DNAH5: variants seen among roughly 807,000 people sequenced by gnomAD.
DNAH5 encodes dynein axonemal heavy chain 5, also known as axonemal beta dynein heavy chain 5.
In DNAH5, 372 loss-of-function variants were observed where a neutral mutation model predicts 518.2. The ratio of observed to expected loss-of-function variants is 0.72; its 90% CI spans 0.66 to 0.78. DNAH5 has a LOEUF of 0.78. DNAH5 is among the 30% of genes least tolerant of loss of function. The pLI, the probability that DNAH5 is intolerant of heterozygous loss-of-function variation, is 0.00. For missense variants in DNAH5, 5,523 were observed against 5,687.0 expected (o/e 0.97, Z 0.93); for synonymous variants, 2,039 against 2,025.9 (o/e 1.01, Z -0.17).
chr5:13,838,580 C>T (rs1171083294), intron 35 of DNAH5, among the ~76,000 whole-genome samples: 1 of 152,124 alleles, frequency 6.6e-6, no homozygotes, highest in African/African-American at 2.4e-5. Context: ...CTCCCATCAC[C>T]CCCAGATGGG....
rs1466605902 is a variant in DNAH5 at position 14,007,412 on chromosome 5, C to T, written c.12+4236G>A. 5.9e-5 allele frequency among the ~76,000 whole-genome samples: 9 copies of T among 152,300 alleles called. No homozygotes were observed. The East Asian group carries it at 1.7e-3, about 29-fold the overall frequency. On this transcript the variant is annotated intron_variant, in intron 1 of 78. Coordinates refer to the DNAH5 transcript ENST00000681290. ...CCCACTCCCTGGGGTGGATACAGAG[C>T]TGAGGCCACATCCTCACAGCCAAGC...
chr5:13,900,994 C>T (rs1451309230), intron 14 of DNAH5, among the ~76,000 whole-genome samples: 2 of 152,108 alleles, frequency 1.3e-5, no homozygotes, highest in African/African-American at 4.8e-5. Flanking sequence ...GGCATAGGAA[C>T]CAATAAACAA....
rs557547706 is a variant in DNAH5, at chr5:13,980,657, C to T, written c.12+30991G>A. Among the ~76,000 whole-genome samples, 147 of 152,290 alleles carry T rather than the reference C, an allele frequency of 9.7e-4. 4 individuals are homozygous for T. In the South Asian group the frequency reaches 0.03, roughly 31 times the overall value. On this transcript the variant is annotated intron_variant, in intron 1 of 78. Coordinates refer to the DNAH5 transcript ENST00000681290. The stretch of plus-strand genomic sequence containing the variant: ...GGCCACACCACCATCATCTCTCACC[C>T]AAACTACTGCAGTAGCACCCAAATG...
chr5:13,732,789 T>C (rs13356939), intron 68 of DNAH5, among the ~76,000 whole-genome samples: 1,561 of 152,274 alleles, frequency 0.01, 34 homozygotes, highest in African/African-American at 0.036. Context: ...ATCATACGAA[T>C]TTTAGTCGGA....
rs1214008235 is a variant in DNAH5, at chr5:13,870,983, C to G, written c.3618G>C (p.Leu1206=). 3 of 1,613,564 alleles carry G rather than the reference C, an allele frequency of 1.9e-6. No individual in the cohort carries two copies. The highest frequency in any genetic ancestry group is 3.3e-5 in the Admixed American group (2 of 59,912). Residue 1206 remains leucine, a synonymous_variant, in exon 24 of 79, where the codon CTG becomes CTC. Transcript: ENST00000265104. ...CCATCCAGGCCTTTGTCTCAGCAGT[C>G]AGGGCGAACTTCAAGTCAGCTGTAA... The part of the protein sequence containing the change: ...ALYTADLKFA[L]TAETKAWMVV...
chr5:13,706,766 C>T (rs891804598), intron 76 of DNAH5, among the ~76,000 whole-genome samples: 2 of 152,208 alleles, frequency 1.3e-5, no homozygotes, highest in Non-Finnish European at 2.9e-5. Context: ...GTCTTTAGCA[C>T]AATTACTAAC....
intron 31 of DNAH5, among the ~76,000 whole-genome samples, chr5:13,847,061 T>C (rs906827916): frequency 1.3e-5 from 2 of 152,262 alleles, no homozygotes; most frequent in African/African-American, 4.8e-5. Context: ...AAGGAGGCTG[T>C]GGTGTGTGAC....
At chr5:13,890,361 C>T (rs1277583350) in intron 17 of DNAH5, among the ~76,000 whole-genome samples, 2 of 149,590 alleles carry the variant, frequency 1.3e-5, no homozygotes, top group African/African-American at 4.9e-5. Context: ...GAGCTGAGAT[C>T]GCATCACTGC....
chr5:13,868,570 A>G (rs1769619844), intron 24 of DNAH5, among the ~76,000 whole-genome samples: 1 of 152,316 alleles, frequency 6.6e-6, no homozygotes, highest in Admixed American at 6.5e-5. Context: ...TTCATAAGAA[A>G]GAATTTTCTC....
intron 59 of DNAH5, among the ~76,000 whole-genome samples, chr5:13,763,567 T>C (rs942567728): frequency 6.6e-6 from 1 of 152,120 alleles, no homozygotes; most frequent in African/African-American, 2.4e-5. Context: ...GACCAAACAA[T>C]GAAATTGGAT....
chr5:13,922,866 G>A lies in DNAH5; in HGVS notation c.438+414C>T, dbSNP rs2151996459. ...TTTACCAGTTTATTTGCTCCAAGAAGATAGTGCACCTGTCAGAGGGAAGGG... is the reference window on the plus strand; with the variant it reads ...TTTACCAGTTTATTTGCTCCAAGAAAATAGTGCACCTGTCAGAGGGAAGGG... On this transcript the variant is annotated intron_variant, in intron 4 of 78. Transcript: ENST00000265104. 2.0e-5 allele frequency among the ~76,000 whole-genome samples: 3 copies of A among 151,728 alleles called. No individual in the cohort carries two copies. In the South Asian group the frequency reaches 6.2e-4, roughly 32 times the overall value.
At chr5:13,975,933 G>A (rs1782205272) in intron 1 of DNAH5, among the ~76,000 whole-genome samples, 1 of 152,202 alleles carries the variant, frequency 6.6e-6, no homozygotes, top group African/African-American at 2.4e-5. Flanking sequence ...CACTTTGGGA[G>A]GCCAAGGCGG....
chr5:13,842,483 G>GAGAGAA (rs1765411698), intron 32 of DNAH5, among the ~76,000 whole-genome samples: 1 of 78,300 alleles, frequency 1.3e-5, no homozygotes, highest in Non-Finnish European at 2.7e-5. Flanking sequence ...AAGAAAGAAA[G>GAGAGAA]AGAAAGAAAA....
intron 30 of DNAH5, among the ~76,000 whole-genome samples, chr5:13,857,548 T>C (rs1034909883): frequency 9.8e-5 from 15 of 152,314 alleles, no homozygotes; most frequent in Non-Finnish European, 2.1e-4. Flanking sequence ...AGAGTCCATA[T>C]AGCCAAGACA....
At chr5:13,728,397 A>C (rs1746042368) in intron 69 of DNAH5, among the ~76,000 whole-genome samples, 2 of 152,206 alleles carry the variant, frequency 1.3e-5, no homozygotes, top group Non-Finnish European at 2.9e-5. Context: ...TTGGGATATA[A>C]TCAAAGGCAA....
At chr5:13,730,563 T>C (rs371946181) in intron 68 of DNAH5, among the ~76,000 whole-genome samples, 3 of 151,954 alleles carry the variant, frequency 2.0e-5, no homozygotes, top group South Asian at 4.2e-4. Context: ...GCCTCCTGAG[T>C]AGCTGGGACT....
chr5:13,903,792 AGGCATTTGGGTGTAAAGACT>A (rs1774963511), intron 12 of DNAH5, among the ~76,000 whole-genome samples: 1 of 152,134 alleles, frequency 6.6e-6, no homozygotes, highest in African/African-American at 2.4e-5. Flanking sequence ...GCAACTTTAT[AGGCATTTGGGTGTAAAGACT>A]GGATGAGTTT....
intron 1 of DNAH5, among the ~76,000 whole-genome samples, chr5:13,958,061 G>A (rs1442568066): frequency 1.3e-5 from 2 of 151,430 alleles, no homozygotes; most frequent in Non-Finnish European, 3.0e-5. Context: ...ATGATCTAAC[G>A]ATTGCATAGC....
rs770166503 is a variant in DNAH5, at chr5:13,766,170, G to T, written c.9907C>A (p.Pro3303Thr). 7 of 1,614,072 alleles carry T rather than the reference G, an allele frequency of 4.3e-6. No homozygotes were observed. The highest frequency in any genetic ancestry group is 4.5e-5 in the East Asian group (2 of 44,904). Residue 3303 changes from proline (P) to threonine (T), a missense_variant, in exon 59 of 79, where the codon CCT (proline) becomes ACT (threonine). Physicochemically the swap from Pro to Thr is conservative, Grantham distance 38. Coordinates refer to ENST00000265104, the MANE Select transcript of DNAH5 (RefSeq NM_001369.3). ...GTGCGAACAGTGGCGATGTCCGAAG[G>T]CCTGATGGTCTGGGGGATGAAAGGA... ...EAEAALQTIR[P>T]SDIATVRTLG...
Sources: allele counts gnomAD v4.1 joint callset (sites outside exome capture counted in the v4.1 genomes callset), GRCh38; gene constraint gnomAD v4.1.1; transcripts MANE v1.5; gene names NCBI Gene and HGNC (gene_info 2026-07-23, HGNC 2026-07-21).